The following PPP2R3A variants were observed in gnomAD, a reference collection of about 807,000 sequenced individuals.
PPP2R3A encodes serine/threonine-protein phosphatase 2A regulatory subunit B'' subunit alpha.
Under a neutral mutation model 106.9 loss-of-function variants are expected in PPP2R3A, and 80 were observed. The observed-to-expected ratio is 0.75, with a 90% confidence interval of 0.62 to 0.90. The LOEUF is 0.90. PPP2R3A is among the 40% of genes least tolerant of loss of function. The pLI, the probability that PPP2R3A is intolerant of heterozygous loss-of-function variation, is 0.00. For missense variants in PPP2R3A, 1,386 were observed against 1,350.4 expected, an observed-to-expected ratio of 1.03 and a Z score of -0.41; for synonymous variants, 483 against 468.3, an observed-to-expected ratio of 1.03 and a Z score of -0.41.
At chr3:136,042,130 C>A (rs1476305568) in intron 4 of PPP2R3A, among the ~76,000 whole-genome samples, 1 of 152,070 alleles carries the variant, frequency 6.6e-6, no homozygotes, top group African/African-American at 2.4e-5. Flanking sequence ...AGCTAAAAGC[C>A]CTTAATAGGA....
At position 136,055,600 on chromosome 3, in the gene PPP2R3A, G is replaced by A. The variant is rs768411302; in HGVS notation, c.2469+6239G>A. 28 of 1,400,274 alleles carry A rather than the reference G, an allele frequency of 2.0e-5. No homozygotes were observed. In the Admixed American group the frequency reaches 2.0e-4, roughly 10 times the overall value. The allele number at this position is 1,400,274 out of a possible 1,614,324, so 86.7% of individuals were successfully genotyped here. ...TTTCTCTGCAGTACTGTATCCACAC[G>A]AGCCAACTGCTGTATTTAACACCTG... is the stretch of plus-strand genomic sequence containing the variant. On this transcript the variant is annotated intron_variant, in intron 5 of 13. Coordinates refer to ENST00000264977, the MANE Select transcript of PPP2R3A (RefSeq NM_002718.5).
chr3:136,043,543 G>A (rs1222687449), intron 4 of PPP2R3A, among the ~76,000 whole-genome samples: 1 of 152,116 alleles, frequency 6.6e-6, no homozygotes, highest in African/African-American at 2.4e-5. Flanking sequence ...CCTCCAAAGG[G>A]CTCTGTTCCA....
At chr3:136,140,259 C>T (rs113789010) in intron 13 of PPP2R3A, among the ~76,000 whole-genome samples, 4,998 of 151,888 alleles carry the variant, frequency 0.033, 294 homozygotes, top group African/African-American at 0.11. Context: ...TCCTGGAGAG[C>T]AGGATAAAGA....
intron 1 of PPP2R3A, among the ~76,000 whole-genome samples, chr3:135,980,667 T>TA (rs1937530049): frequency 6.6e-6 from 1 of 151,830 alleles, no homozygotes; most frequent in Admixed American, 6.5e-5. Flanking sequence ...CTCCTATACA[T>TA]TGGTATAGAC....
At chr3:135,967,053 A>C (rs189581458) in intron 1 of PPP2R3A, among the ~76,000 whole-genome samples, 1 of 152,180 alleles carries the variant, frequency 6.6e-6, no homozygotes, top group East Asian at 1.9e-4. Context: ...TCAGTAGTCC[A>C]TGAAAGCCTT....
At chr3:136,095,167 G>A (rs1278493) in intron 10 of PPP2R3A, among the ~76,000 whole-genome samples, 93,642 of 151,896 alleles carry the variant, frequency 0.62, 31,415 homozygotes, top group African/African-American at 0.88. Context: ...GGTCCCCTCA[G>A]TTTCCTCAGT....
chr3:136,075,674 AT>A (rs1936570968), intron 6 of PPP2R3A, among the ~76,000 whole-genome samples: 1 of 152,208 alleles, frequency 6.6e-6, no homozygotes, highest in Non-Finnish European at 1.5e-5. Flanking sequence ...AAGTTTTATA[AT>A]TTTTAACACA....
intron 5 of PPP2R3A, among the ~76,000 whole-genome samples, chr3:136,063,456 A>G (rs1349641404): frequency 6.6e-6 from 1 of 152,358 alleles, no homozygotes; most frequent in African/African-American, 2.4e-5. Context: ...TCTGCACAGC[A>G]AAAGAAACTA....
rs142790013 is a variant in PPP2R3A at position 136,098,175 on chromosome 3, G to A, written c.2928-3832G>A. Among the ~76,000 whole-genome samples, 945 of 152,308 alleles carry A rather than the reference G, an allele frequency of 6.2e-3. 13 individuals are homozygous for A. The highest frequency in any genetic ancestry group is 0.022 in the African/African-American group (896 of 41,578). On this transcript the variant is annotated intron_variant, in intron 10 of 13. Transcript: ENST00000264977. The stretch of plus-strand genomic sequence containing the variant: ...AAAAAGTTTTTAAAAAATTAGCCAG[G>A]TGTGGTGGTACATGCCTCTGGTCCC...
chr3:136,054,292 C>T (rs1017965122), intron 5 of PPP2R3A, among the ~76,000 whole-genome samples: 31 of 146,730 alleles, frequency 2.1e-4, no homozygotes, highest in Admixed American at 1.0e-3. Flanking sequence ...TGGAGGCTCG[C>T]CCTGTCGCCA....
At chr3:135,987,287 C>T (rs761150856) in intron 1 of PPP2R3A, among the ~76,000 whole-genome samples, 24 of 152,078 alleles carry the variant, frequency 1.6e-4, no homozygotes, top group Non-Finnish European at 3.1e-4. Flanking sequence ...AGTAACATAA[C>T]CAGAGTATCA....
At chr3:136,145,005 A>AATC (rs1939055049) in intron 13 of PPP2R3A, 38 bp from the exon 14 acceptor site, 1 of 1,593,952 alleles carries the variant, frequency 6.3e-7, no homozygotes, top group Admixed American at 1.7e-5. Flanking sequence ...AACTTTAATC[A>AATC]ATCAATCAGT....
At chr3:136,035,596 G>A (rs941608758) in intron 3 of PPP2R3A, among the ~76,000 whole-genome samples, 2 of 152,194 alleles carry the variant, frequency 1.3e-5, no homozygotes, top group African/African-American at 4.8e-5. Context: ...GAAATCTGCT[G>A]TTAATCTGAT....
At chr3:135,985,276 C>T (rs764737094) in intron 1 of PPP2R3A, among the ~76,000 whole-genome samples, 1 of 151,804 alleles carries the variant, frequency 6.6e-6, no homozygotes, top group South Asian at 2.1e-4. Context: ...AGCACACCTC[C>T]GTCTCTAACC....
Position 136,001,670 on chromosome 3 carries a change from A to C in PPP2R3A, c.172A>C (p.Ile58Leu). ...HHSVCADLLH[I>L]PVSQFKDADL... Reference sequence around the variant, plus strand: ...TAGTGTTTGTGCAGACCTCTTGCACATCCCTGTGTCTCAGTTCAAAGATGC... The same window carrying C: ...TAGTGTTTGTGCAGACCTCTTGCACCTCCCTGTGTCTCAGTTCAAAGATGC... Residue 58 changes from isoleucine to leucine, a missense_variant, in exon 2 of 14, where the codon ATC becomes CTC. Coordinates refer to ENST00000264977, the MANE Select transcript of PPP2R3A (RefSeq NM_002718.5). 2 of 1,614,170 alleles carry C rather than the reference A, an allele frequency of 1.2e-6. No homozygotes were observed. The highest frequency in any genetic ancestry group is 8.5e-7 in the Non-Finnish European group (1 of 1,180,036).
intron 10 of PPP2R3A, among the ~76,000 whole-genome samples, chr3:136,092,224 G>T (rs1218371939): frequency 6.6e-6 from 1 of 152,120 alleles, no homozygotes; most frequent in African/African-American, 2.4e-5. Flanking sequence ...CAGCTACATG[G>T]GAGGCTGAGG....
intron 3 of PPP2R3A, among the ~76,000 whole-genome samples, chr3:136,036,705 G>A (rs1299995078): frequency 6.6e-6 from 1 of 152,120 alleles, no homozygotes; most frequent in Non-Finnish European, 1.5e-5. Flanking sequence ...TTGTTCTGGA[G>A]CGAAAATTCT....
chr3:135,980,000 C>G (rs938919033), intron 1 of PPP2R3A, among the ~76,000 whole-genome samples: 7 of 151,796 alleles, frequency 4.6e-5, no homozygotes, highest in Non-Finnish European at 7.3e-5. Context: ...TTAGTAAGTA[C>G]AGCCGCCATC....
At chr3:135,982,463 G>A (rs1483684725) in intron 1 of PPP2R3A, among the ~76,000 whole-genome samples, 1 of 152,160 alleles carries the variant, frequency 6.6e-6, no homozygotes, top group East Asian at 1.9e-4. Flanking sequence ...CTGAATGGCG[G>A]TCAAAGGTTG....
Sources: allele counts gnomAD v4.1 joint callset (sites outside exome capture counted in the v4.1 genomes callset), GRCh38; gene constraint gnomAD v4.1.1; transcripts MANE v1.5; gene names NCBI Gene and HGNC (gene_info 2026-07-23, HGNC 2026-07-21).